SVOPL: variants seen among roughly 807,000 people sequenced by gnomAD.
The protein encoded by SVOPL is SVOP like.
A neutral mutation model predicts 61.0 loss-of-function variants in SVOPL; 60 were observed. That is an observed-to-expected ratio of 0.98 (90% CI 0.80 to 1.22). The LOEUF (loss-of-function observed/expected upper bound fraction) is 1.22, where lower values mean the gene tolerates loss of function less well. Ranked by LOEUF, SVOPL falls within the 50% of genes most tolerant of loss-of-function variation. SVOPL has a pLI of 0.00. For synonymous variants in SVOPL, 279 were observed against 250.0 expected, an observed-to-expected ratio of 1.12 and a Z score of -1.09; for missense variants, 662 against 643.9, an observed-to-expected ratio of 1.03 and a Z score of -0.30.
chr7:138,699,951 A>C (rs1803153984), intron 1 of SVOPL, among the ~76,000 whole-genome samples: 1 of 152,166 alleles, frequency 6.6e-6, no homozygotes. Flanking sequence ...TGCAACAGAG[A>C]AAGTCCTCAT....
Position 138,602,441 on chromosome 7 carries a change from CTATATATATATATATATATA to C in SVOPL, c.1354-5931_1354-5912del, listed in dbSNP as rs59400217. Among the ~76,000 whole-genome samples the C allele has an allele frequency of 1.2e-3, 164 of 140,526 alleles. 1 individual carries two copies. The highest frequency in any genetic ancestry group is 2.8e-3 in the African/African-American group (108 of 38,368). 92.2% of individuals were successfully genotyped at this position (140,526 alleles called of 152,430 possible). ...GATTATTAGTGAGAAAAGGCAGTTG[CTATATATATATATATATATA>C]TATATATATATATATGTAGATGTGT... On this transcript the variant is annotated intron_variant, in intron 14 of 15. Transcript: ENST00000674285.
chr7:138,597,274 T>TA (rs1798319628), intron 14 of SVOPL: 1 of 1,259,436 alleles, frequency 7.9e-7, no homozygotes, highest in Admixed American at 2.4e-5. Flanking sequence ...TAATGTATTA[T>TA]AATTTAGAAA....
chr7:138,653,257 G>A (rs1030091147), intron 7 of SVOPL, among the ~76,000 whole-genome samples: 1 of 152,166 alleles, frequency 6.6e-6, no homozygotes, highest in East Asian at 1.9e-4. Context: ...GGTCATCCAG[G>A]AGATCTAGCT....
At chr7:138,658,200 G>T (rs1157237313) in intron 6 of SVOPL, among the ~76,000 whole-genome samples, 2 of 152,030 alleles carry the variant, frequency 1.3e-5, no homozygotes, top group Non-Finnish European at 2.9e-5. Context: ...AACCTCCTGG[G>T]AATGCAGCCC....
At chr7:138,637,142 C>T (rs989846152) in intron 9 of SVOPL, among the ~76,000 whole-genome samples, 6 of 151,916 alleles carry the variant, frequency 3.9e-5, no homozygotes, top group Non-Finnish European at 1.5e-5. Flanking sequence ...AAAATATATA[C>T]ATCATGGGCT....
At chr7:138,697,322 CAA>C (rs1199667372) in intron 1 of SVOPL, among the ~76,000 whole-genome samples, 1 of 151,434 alleles carries the variant, frequency 6.6e-6, no homozygotes, top group Admixed American at 6.6e-5. Flanking sequence ...AAAAAATTGC[CAA>C]AAAAATACAG....
In SVOPL at chr7:138,669,905, C is replaced by A. The variant is rs571314957; in HGVS notation, c.273+2114G>T. Among the ~76,000 whole-genome samples the A allele has an allele frequency of 2.0e-5, 3 of 152,242 alleles. No homozygotes were observed. The East Asian group carries it at 5.8e-4, about 29-fold the overall frequency. ...AAGGTGAAGGGAAGTTTTCCCTTGG[C>A]ACTTACAAAGTCCTGTCTTCATTAA... On this transcript the variant is annotated intron_variant, in intron 4 of 15. Transcript: ENST00000674285.
At chr7:138,651,901 ATCTT>A (rs1173880674) in intron 7 of SVOPL, among the ~76,000 whole-genome samples, 2 of 152,138 alleles carry the variant, frequency 1.3e-5, no homozygotes, top group African/African-American at 2.4e-5. Context: ...AAAGTTGCGC[ATCTT>A]TCTTTCTTTA....
intron 3 of SVOPL, among the ~76,000 whole-genome samples, chr7:138,676,606 C>G (rs79043823): frequency 0.026 from 3,898 of 152,222 alleles, 170 homozygotes; most frequent in African/African-American, 0.09. Context: ...CACATTCAAA[C>G]CCTAGCAGTA....
intron 3 of SVOPL, among the ~76,000 whole-genome samples, chr7:138,676,901 T>TA (rs1470037524): frequency 9.4e-5 from 8 of 84,934 alleles, no homozygotes; most frequent in African/African-American, 8.4e-4. Flanking sequence ...TGGGGTTCCT[T>TA]TTTTTTTTTT....
intron 1 of SVOPL, among the ~76,000 whole-genome samples, chr7:138,684,688 T>G (rs1358991138): frequency 6.6e-6 from 1 of 152,200 alleles, no homozygotes; most frequent in African/African-American, 2.4e-5. Flanking sequence ...GCAGCCACTA[T>G]GGAAAACAGT....
intron 13 of SVOPL, among the ~76,000 whole-genome samples, chr7:138,622,137 T>TCGACAGA (rs1563096355): frequency 1.3e-4 from 17 of 134,630 alleles, no homozygotes; most frequent in South Asian, 2.4e-4. Flanking sequence ...TATCTATCTA[T>TCGACAGA]GTATCTATCT....
intron 12 of SVOPL, among the ~76,000 whole-genome samples, chr7:138,627,045 TAAAC>T (rs1347576753): frequency 6.6e-6 from 1 of 152,116 alleles, no homozygotes; most frequent in Non-Finnish European, 1.5e-5. Flanking sequence ...AATAATGTAA[TAAAC>T]AACCAGAGTC....
chr7:138,632,709 C>T (rs78121634), intron 9 of SVOPL, among the ~76,000 whole-genome samples: 1,858 of 135,904 alleles, frequency 0.014, 39 homozygotes, highest in African/African-American at 0.042. Flanking sequence ...AGATGGGAGA[C>T]AGGGGGTTGT....
intron 14 of SVOPL, among the ~76,000 whole-genome samples, chr7:138,619,788 T>A (rs1799468738): frequency 6.6e-6 from 1 of 152,182 alleles, no homozygotes; most frequent in Admixed American, 6.5e-5. Flanking sequence ...AGCTCAAGCA[T>A]GGACAACTGG....
chr7:138,641,833 T>TATA, intron 9 of SVOPL, among the ~76,000 whole-genome samples: 2 of 37,224 alleles, frequency 5.4e-5, no homozygotes, highest in Admixed American at 6.5e-4. Context: ...TATATATATA[T>TATA]AACATATATA....
At chr7:138,678,289 C>G (rs1456526140) in intron 3 of SVOPL, 145 bp downstream of exon 3, 1 of 696,036 alleles carries the variant, frequency 1.4e-6, no homozygotes, top group African/African-American at 1.8e-5. Context: ...CTAAACGGTG[C>G]CCCATCCACC....
intron 10 of SVOPL, among the ~76,000 whole-genome samples, chr7:138,629,097 A>G (rs969902808): frequency 1.3e-5 from 2 of 150,380 alleles, no homozygotes; most frequent in Non-Finnish European, 2.9e-5. Context: ...TGAAAAAATG[A>G]TATGTCTAAT....
chr7:138,613,304 G>A (rs530322886), intron 14 of SVOPL, among the ~76,000 whole-genome samples: 1 of 152,110 alleles, frequency 6.6e-6, no homozygotes, highest in Non-Finnish European at 1.5e-5. Context: ...ACAGGCATGA[G>A]CCACCGTGAC....
Sources: gnomAD v4.1 joint callset for allele counts (sites outside exome capture counted in the v4.1 genomes callset) on GRCh38, gnomAD v4.1.1 for gene constraint, MANE v1.5 for transcripts, NCBI Gene and HGNC (gene_info 2026-07-23, HGNC 2026-07-21) for gene names.